Variants in ZNF516 observed in about 807,000 individuals in gnomAD.
ZNF516 encodes zinc finger protein 516.
ZNF516 carries 19 observed loss-of-function variants against 79.7 expected under a neutral mutation model. The ratio of observed to expected loss-of-function variants is 0.24; its 90% CI spans 0.17 to 0.35. The LOEUF (loss-of-function observed/expected upper bound fraction) is 0.35, where lower values mean the gene tolerates loss of function less well. ZNF516 is among the 10% of genes least tolerant of loss of function. ZNF516 has a pLI of 1.00. For synonymous variants in ZNF516, 877 were observed against 739.5 expected, an observed-to-expected ratio of 1.19 and a Z score of -3.02; for missense variants, 1,678 against 1,679.5, an observed-to-expected ratio of 1.00 and a Z score of 0.02.
chr18:76,461,077 G>T (rs1913075737), intron 2 of ZNF516, among the ~76,000 whole-genome samples: 1 of 152,196 alleles, frequency 6.6e-6, no homozygotes, highest in Non-Finnish European at 1.5e-5. Flanking sequence ...AGCTACTTGG[G>T]AGGCTGAGGC....
chr18:76,434,771 C>T (rs375350392), intron 3 of ZNF516, among the ~76,000 whole-genome samples: 1 of 152,234 alleles, frequency 6.6e-6, no homozygotes, highest in East Asian at 1.9e-4. Context: ...AGGAAGAGTG[C>T]GTGTGCAGGA....
intron 1 of ZNF516, chr18:76,492,661 G>C (rs1422812792): frequency 4.3e-5 from 41 of 950,344 alleles, no homozygotes; most frequent in Non-Finnish European, 5.1e-5. Flanking sequence ...ACCAGGGCGC[G>C]CGTGCCCAGG....
intron 2 of ZNF516, among the ~76,000 whole-genome samples, chr18:76,446,700 G>A (rs1234515070): frequency 1.3e-5 from 2 of 152,192 alleles, no homozygotes; most frequent in East Asian, 1.9e-4. Context: ...ACAGGCAGAC[G>A]TTCAAGGAGC....
At chr18:76,427,464 T>C (rs1457291848) in intron 3 of ZNF516, among the ~76,000 whole-genome samples, 1 of 152,148 alleles carries the variant, frequency 6.6e-6, no homozygotes, top group Non-Finnish European at 1.5e-5. Flanking sequence ...ACCAGATCAA[T>C]ATGGGAAAAT....
chr18:76,379,657 C>CG lies in ZNF516; in HGVS notation c.2456dup (p.Pro820AlafsTer43). 1.2e-6 allele frequency: 2 copies of CG among 1,613,560 alleles called. No individual in the cohort carries two copies. On this transcript the variant is annotated frameshift_variant, in exon 4 of 7. Coordinates refer to ENST00000443185, the MANE Select transcript of ZNF516 (RefSeq NM_014643.4). LOFTEE classifies it high-confidence loss of function. ...GGCATTCTTTGCCACCGAGGGCAGG[C>CG]GGGGGGCCCGTGCGTCCGCTCCGGG...
At position 76,441,963 on chromosome 18, in the gene ZNF516, G is replaced by A. The variant is rs762469314; in HGVS notation, c.1092C>T (p.Arg364=). ...CCCCCTCCTCGGCCGGGGCGCGCGTGCGGCTGGCCTCGACTCTGCGGTGGA... is the reference window on the plus strand; with the variant it reads ...CCCCCTCCTCGGCCGGGGCGCGCGTACGGCTGGCCTCGACTCTGCGGTGGA... ...NAIHRRVEAS[R]TRAPAEEGAE... Residue 364 remains arginine, a synonymous_variant, in exon 3 of 7, where the codon CGC becomes CGT. Transcript: ENST00000443185. The A allele has an allele frequency of 9.9e-6, 16 of 1,612,434 alleles. No individual in the cohort carries two copies. The South Asian group carries it at 1.6e-4, about 17-fold the overall frequency.
chr18:76,369,414 AAAAAACAAAAAC>A (rs149758595), intron 6 of ZNF516, among the ~76,000 whole-genome samples: 2,496 of 152,328 alleles, frequency 0.016, 69 homozygotes, highest in African/African-American at 0.052. Context: ...AACAAGGCAA[AAAAAACAAAAAC>A]AAAAACAAAA....
Position 76,459,726 on chromosome 18 carries a change from C to T in ZNF516, c.-158+3302G>A, listed in dbSNP as rs1912979725. On this transcript the variant is annotated intron_variant, in intron 2 of 6. Coordinates refer to ENST00000443185, the MANE Select transcript of ZNF516 (RefSeq NM_014643.4). This position sits in a 1 kb window ranked among gnomAD's most constrained non-coding sequence, Gnocchi z 5.0. ...TAGAACCGGAAGCCTCACGCTACAC[C>T]AGGCACTGCTCCTGGAGCACAGTGG... 6.6e-6 allele frequency among the ~76,000 whole-genome samples: 1 copy of T among 152,188 alleles called. No individual in the cohort carries two copies. Among genetic ancestry groups the T allele is most frequent in the Non-Finnish European group, 1.5e-5 (1 of 68,028 alleles).
intron 4 of ZNF516, among the ~76,000 whole-genome samples, chr18:76,373,450 C>T (rs2144963042): frequency 6.6e-6 from 1 of 152,326 alleles, no homozygotes; most frequent in Admixed American, 6.5e-5. Context: ...TTTCTGAATA[C>T]TCCGGTTGTC....
chr18:76,433,946 G>A (rs944991015), intron 3 of ZNF516, among the ~76,000 whole-genome samples: 2 of 152,098 alleles, frequency 1.3e-5, no homozygotes, highest in African/African-American at 4.8e-5. Context: ...CACCTCTCCT[G>A]GCCGGGAAAC....
chr18:76,422,102 T>C (rs2075516320), intron 3 of ZNF516, among the ~76,000 whole-genome samples: 1 of 152,236 alleles, frequency 6.6e-6, no homozygotes, highest in South Asian at 2.1e-4. Context: ...AGGGTATCTA[T>C]GCTAGTATCA....
rs778115503 is a variant in ZNF516, at chr18:76,371,522, G to A, written c.3309C>T (p.Cys1103=). The change falls in exon 5 of 7, where the codon TGC becomes TGT. Residue 1103 remains cysteine (C), a synonymous_variant. Transcript: ENST00000443185. Reference sequence around the variant, plus strand: ...GGCCGGGCTGGTGGAAGCTCTTTCCGCACTCGATGCAGACGAACTCTCCTG... The same window carrying A: ...GGCCGGGCTGGTGGAAGCTCTTTCCACACTCGATGCAGACGAACTCTCCTG... ...ARPGEFVCIE[C]GKSFHQPGHL... is the part of the protein sequence containing the mutation. 1.6e-5 allele frequency: 25 copies of A among 1,610,508 alleles called. No homozygotes were observed. Among genetic ancestry groups the A allele is most frequent in the African/African-American group, 6.7e-5 (5 of 74,916 alleles).
intron 2 of ZNF516, among the ~76,000 whole-genome samples, chr18:76,456,155 G>C (rs1335449867): frequency 1.3e-5 from 2 of 152,210 alleles, no homozygotes; most frequent in Non-Finnish European, 2.9e-5. Context: ...TGGCGAACGT[G>C]AAACAATAGA....
Position 76,446,072 on chromosome 18 carries a change from C to A in ZNF516, c.-157-2861G>T, listed in dbSNP as rs905396959. Among the ~76,000 whole-genome samples the A allele has an allele frequency of 1.4e-4, 20 of 141,984 alleles. No individual in the cohort carries two copies. The Admixed American group carries it at 1.6e-3, about 11-fold the overall frequency. 93.1% of individuals were successfully genotyped at this position (141,984 alleles called of 152,430 possible). ...CACACGTGCAGTTGGGAACCCTGGT[C>A]CCAGCCCTCATGCTCCCAGTCACCA... On this transcript the variant is annotated intron_variant, in intron 2 of 6. Coordinates refer to ENST00000443185, the MANE Select transcript of ZNF516 (RefSeq NM_014643.4).
At chr18:76,392,286 G>A (rs539847289) in intron 3 of ZNF516, among the ~76,000 whole-genome samples, 10 of 152,222 alleles carry the variant, frequency 6.6e-5, no homozygotes, top group African/African-American at 1.2e-4. Context: ...TAAGACCACA[G>A]GGAGTGTCAC....
At chr18:76,469,904 A>C (rs1011802239) in intron 1 of ZNF516, among the ~76,000 whole-genome samples, 1 of 152,268 alleles carries the variant, frequency 6.6e-6, no homozygotes, top group Admixed American at 6.5e-5. Context: ...ATAGGTTTTA[A>C]ATGCTCAAAA....
intron 1 of ZNF516, among the ~76,000 whole-genome samples, chr18:76,463,462 C>T (rs1913250169): frequency 6.6e-6 from 1 of 152,254 alleles, no homozygotes; most frequent in African/African-American, 2.4e-5. Flanking sequence ...AGTTGTCAAT[C>T]CAGCCTATCA....
At chr18:76,399,469 A>C (rs2075189646) in intron 3 of ZNF516, among the ~76,000 whole-genome samples, 1 of 152,248 alleles carries the variant, frequency 6.6e-6, no homozygotes, top group African/African-American at 2.4e-5. Context: ...TATAGTCAGC[A>C]TATCCAACTT....
intron 1 of ZNF516, among the ~76,000 whole-genome samples, chr18:76,471,272 A>AT (rs1241984524): frequency 6.6e-6 from 1 of 151,944 alleles, no homozygotes; most frequent in Non-Finnish European, 1.5e-5. Flanking sequence ...AAAAAAAGAC[A>AT]TATTATTTCA....
Sources: gnomAD v4.1 joint callset for allele counts (sites outside exome capture counted in the v4.1 genomes callset) on GRCh38, gnomAD v4.1.1 for gene constraint, Gnocchi (gnomAD v3.1) non-coding constraint, MANE v1.5 for transcripts, NCBI Gene and HGNC (gene_info 2026-07-23, HGNC 2026-07-21) for gene names.